CDH8: variants seen among roughly 807,000 people sequenced by gnomAD.
The protein encoded by CDH8 is cadherin 8, also known as cadherin-8.
Under a neutral mutation model 68.1 loss-of-function variants are expected in CDH8, and 17 were observed. The observed-to-expected ratio is 0.25, with a 90% CI of 0.17 to 0.37. The LOEUF (loss-of-function observed/expected upper bound fraction) is 0.37. Among genes scored for constraint, CDH8 ranks in the 10% least tolerant of loss-of-function variants. The probability of loss-of-function intolerance (pLI) is 1.00; values close to 1 mark genes in which losing one functional copy is unlikely to be tolerated. For missense variants in CDH8, 763 were observed against 999.3 expected (o/e 0.76, Z 3.19); for synonymous variants, 372 against 365.1 (o/e 1.02, Z -0.21).
At chr16:62,002,154 A>G (rs1181528649) in intron 2 of CDH8, among the ~76,000 whole-genome samples, 1 of 152,188 alleles carries the variant, frequency 6.6e-6, no homozygotes, top group Non-Finnish European at 1.5e-5. Flanking sequence ...TAATTTGTCA[A>G]CACTTCAGAA....
At chr16:61,979,833 C>T (rs534147779) in intron 2 of CDH8, among the ~76,000 whole-genome samples, 22 of 152,250 alleles carry the variant, frequency 1.4e-4, no homozygotes, top group Admixed American at 1.4e-3. Context: ...ACTTATTGGA[C>T]AAATGGAGAT....
chr16:61,827,070 CA>C (rs1962352957), intron 4 of CDH8, among the ~76,000 whole-genome samples: 1 of 151,706 alleles, frequency 6.6e-6, no homozygotes, highest in Admixed American at 6.6e-5. Context: ...GAGAAGAAAA[CA>C]AACAGATAAG....
At chr16:61,945,895 A>C (rs1243263209) in intron 2 of CDH8, among the ~76,000 whole-genome samples, 1 of 152,178 alleles carries the variant, frequency 6.6e-6, no homozygotes, top group African/African-American at 2.4e-5. Flanking sequence ...TTTTTCTTCT[A>C]AATCCTTTGG....
At position 61,837,068 on chromosome 16, in the gene CDH8, A is replaced by C. The variant is rs28555294; in HGVS notation, c.668-11889T>G. On this transcript the variant is annotated intron_variant, in intron 4 of 11. Coordinates refer to ENST00000577390, the MANE Select transcript of CDH8 (RefSeq NM_001796.5). ...CTCCTACATTCTTCTTTGGGGGTGC[A>C]GGCTCTCTTTCTTCCCAGTGCAGTG... Among the ~76,000 whole-genome samples, 3,315 of 151,898 alleles carry C rather than the reference A, an allele frequency of 0.022. 248 individuals carry two copies. In the East Asian group the frequency reaches 0.23, roughly 10 times the overall value.
chr16:61,826,395 T>C (rs1374226572), intron 4 of CDH8, among the ~76,000 whole-genome samples: 1 of 151,842 alleles, frequency 6.6e-6, no homozygotes, highest in Non-Finnish European at 1.5e-5. Flanking sequence ...TTTCCTGCAT[T>C]TTTACTTAAC....
intron 10 of CDH8, among the ~76,000 whole-genome samples, chr16:61,688,263 A>T (rs1398273652): frequency 1.3e-5 from 2 of 151,938 alleles, no homozygotes; most frequent in Non-Finnish European, 2.9e-5. Flanking sequence ...TGTTATTTCA[A>T]CTCTGACACA....
At chr16:61,820,863 C>G (rs1215757170) in intron 6 of CDH8, 63 bp downstream of exon 6, 2 of 1,442,076 alleles carry the variant, frequency 1.4e-6, no homozygotes, top group African/African-American at 2.8e-5. Context: ...ACAAGTCCCT[C>G]AACTTTAAAA....
intron 8 of CDH8, among the ~76,000 whole-genome samples, chr16:61,745,746 C>T (rs1280196519): frequency 6.6e-6 from 1 of 151,862 alleles, no homozygotes; most frequent in Non-Finnish European, 1.5e-5. Context: ...ATCCATCTCA[C>T]TTGTTATCTA....
At chr16:61,739,140 TC>T (rs1959789569) in intron 8 of CDH8, among the ~76,000 whole-genome samples, 1 of 152,130 alleles carries the variant, frequency 6.6e-6, no homozygotes, top group Non-Finnish European at 1.5e-5. Context: ...TAGTGGTATT[TC>T]CCCCTAATTG....
chr16:61,816,376 GAATA>G lies in CDH8; in HGVS notation c.1277+1099_1277+1102del, dbSNP rs374664774. ...AATTTAATACATTTTTTAAAAAATC[GAATA>G]AATAAACCGACAGATAACTCACTTT... On this transcript the variant is annotated intron_variant, in intron 7 of 11. Transcript: ENST00000577390. 3.5e-4 allele frequency among the ~76,000 whole-genome samples: 53 copies of G among 152,148 alleles called. No homozygotes were observed. The East Asian group carries it at 8.3e-3, about 24-fold the overall frequency.
intron 7 of CDH8, among the ~76,000 whole-genome samples, chr16:61,799,486 A>G (rs1374604821): frequency 2.6e-5 from 4 of 152,152 alleles, no homozygotes; most frequent in Non-Finnish European, 4.4e-5. Context: ...GTAGCCCATT[A>G]TAGACTTTCT....
chr16:61,878,403 C>T (rs752398151), intron 3 of CDH8, among the ~76,000 whole-genome samples: 1 of 152,098 alleles, frequency 6.6e-6, no homozygotes. Flanking sequence ...CCACCTGGAG[C>T]TATAGCACCA....
At chr16:61,789,594 G>A in intron 7 of CDH8, 112 bp from the exon 8 acceptor site, 2 of 993,872 alleles carry the variant, frequency 2.0e-6, no homozygotes, top group Admixed American at 3.1e-5. Flanking sequence ...AAATGAATTG[G>A]GAAACTCAGT....
intron 2 of CDH8, among the ~76,000 whole-genome samples, chr16:61,990,084 G>A (rs1965690224): frequency 6.6e-6 from 1 of 152,052 alleles, no homozygotes; most frequent in Non-Finnish European, 1.5e-5. Flanking sequence ...ATTAACTGAT[G>A]TGTACTATTT....
chr16:61,982,334 C>T (rs1649566471), intron 2 of CDH8, among the ~76,000 whole-genome samples: 1 of 152,118 alleles, frequency 6.6e-6, no homozygotes, highest in African/African-American at 2.4e-5. Context: ...ATTCTCCTGC[C>T]TCAGTCTCGC....
intron 2 of CDH8, among the ~76,000 whole-genome samples, chr16:62,000,920 A>G (rs1372990366): frequency 2.0e-5 from 3 of 152,210 alleles, no homozygotes; most frequent in Non-Finnish European, 4.4e-5. Flanking sequence ...TTGCATTATC[A>G]TTATAGTTAA....
intron 2 of CDH8, among the ~76,000 whole-genome samples, chr16:61,993,032 G>A (rs539794825): frequency 2.6e-5 from 4 of 152,298 alleles, no homozygotes; most frequent in Admixed American, 1.3e-4. Flanking sequence ...CAATCCTCCT[G>A]TCTTGGCCTT....
At chr16:62,004,548 AG>A (rs1965942645) in intron 2 of CDH8, among the ~76,000 whole-genome samples, 1 of 152,216 alleles carries the variant, frequency 6.6e-6, no homozygotes, top group Non-Finnish European at 1.5e-5. Context: ...CAACAAAAAA[AG>A]GTAGAAGCTG....
intron 2 of CDH8, among the ~76,000 whole-genome samples, chr16:61,950,914 A>T (rs1964886149): frequency 6.6e-6 from 1 of 152,154 alleles, no homozygotes; most frequent in Admixed American, 6.5e-5. Context: ...TAGGAGAAAG[A>T]AGAGGAACAG....
Sources: allele counts gnomAD v4.1 joint callset (sites outside exome capture counted in the v4.1 genomes callset), GRCh38; gene constraint gnomAD v4.1.1; transcripts MANE v1.5; gene names NCBI Gene and HGNC (gene_info 2026-07-23, HGNC 2026-07-21).